The following TRPM6 variants were observed in gnomAD, a reference collection of about 807,000 sequenced individuals.
The protein encoded by TRPM6 is transient receptor potential cation channel subfamily M member 6, also known as channel kinase 2.
TRPM6 carries 111 observed loss-of-function variants against 247.6 expected under a neutral mutation model. That is an observed-to-expected ratio of 0.45 (90% CI 0.38 to 0.52). TRPM6 has a LOEUF of 0.52. Ranked by LOEUF, TRPM6 falls within the 20% of genes least tolerant of loss-of-function variation. The pLI is 0.00. For synonymous variants in TRPM6, 892 were observed against 853.8 expected (o/e 1.04, Z -0.78); for missense variants, 2,126 against 2,421.5 (o/e 0.88, Z 2.56).
intron 37 of TRPM6, among the ~76,000 whole-genome samples, chr9:74,729,289 A>T (rs537708738): frequency 6.6e-6 from 1 of 152,248 alleles, no homozygotes; most frequent in Non-Finnish European, 1.5e-5. Context: ...AAAAGGAAAC[A>T]ATAAACTTCG....
intron 33 of TRPM6, among the ~76,000 whole-genome samples, chr9:74,740,868 CTT>C (rs955420094): frequency 5.3e-5 from 8 of 151,942 alleles, no homozygotes; most frequent in African/African-American, 1.9e-4. Flanking sequence ...CATAAAAAAA[CTT>C]ATTTTTTTCT....
chr9:74,728,015 TG>T (rs1247573498), intron 38 of TRPM6, among the ~76,000 whole-genome samples: 1 of 152,170 alleles, frequency 6.6e-6, no homozygotes, highest in African/African-American at 2.4e-5. Flanking sequence ...TGACAAGTAT[TG>T]GGCCCCAAGT....
chr9:74,735,924 A>G (rs753490227), intron 36 of TRPM6, among the ~76,000 whole-genome samples: 1 of 152,222 alleles, frequency 6.6e-6, no homozygotes, highest in Non-Finnish European at 1.5e-5. Flanking sequence ...CGAGTATTTC[A>G]CACTCCTTCT....
At chr9:74,828,649 G>A (rs1033715433) in intron 6 of TRPM6, among the ~76,000 whole-genome samples, 2 of 140,384 alleles carry the variant, frequency 1.4e-5, no homozygotes, top group African/African-American at 5.4e-5. Flanking sequence ...TTTTTTTTGA[G>A]ATGGAGTCTT....
intron 1 of TRPM6, among the ~76,000 whole-genome samples, chr9:74,883,215 A>G (rs1234002338): frequency 6.6e-6 from 1 of 151,942 alleles, no homozygotes; most frequent in Non-Finnish European, 1.5e-5. Context: ...AGGCTGAATA[A>G]TATTCCCTTG....
At chr9:74,779,995 A>C (rs1401269685) in intron 23 of TRPM6, among the ~76,000 whole-genome samples, 1 of 151,394 alleles carries the variant, frequency 6.6e-6, no homozygotes, top group East Asian at 2.0e-4. Flanking sequence ...AATATGGTGA[A>C]ACTCTGTCTC....
intron 25 of TRPM6, among the ~76,000 whole-genome samples, chr9:74,764,108 A>C (rs1826746381): frequency 1.3e-5 from 2 of 150,632 alleles, no homozygotes; most frequent in Admixed American, 6.6e-5. Context: ...TGGGCGACAG[A>C]GTAAGACTCC....
intron 25 of TRPM6, among the ~76,000 whole-genome samples, chr9:74,768,323 C>G (rs1004039097): frequency 6.6e-6 from 1 of 152,164 alleles, no homozygotes; most frequent in Non-Finnish European, 1.5e-5. Flanking sequence ...TGGGCATAAT[C>G]GCTTCCTCTG....
At chr9:74,887,088 C>A (rs1045048121) in intron 1 of TRPM6, 4 of 456,154 alleles carry the variant, frequency 8.8e-6, no homozygotes, top group Non-Finnish European at 1.5e-5. Flanking sequence ...CAGCCAGGAG[C>A]ACCCTCCCTC....
chr9:74,771,404 A>C (rs1271489233), intron 25 of TRPM6, among the ~76,000 whole-genome samples: 1 of 151,840 alleles, frequency 6.6e-6, no homozygotes, highest in African/African-American at 2.4e-5. Context: ...CATTTCTCTC[A>C]CCACCTACAC....
At chr9:74,850,977 T>G (rs2118284960) in intron 3 of TRPM6, among the ~76,000 whole-genome samples, 1 of 152,304 alleles carries the variant, frequency 6.6e-6, no homozygotes, top group African/African-American at 2.4e-5. Context: ...AAACATAAAT[T>G]GAGGTAACCT....
chr9:74,728,515 T>C (rs1049490695), intron 37 of TRPM6, among the ~76,000 whole-genome samples, 170 bp from the exon 38 acceptor site: 1 of 152,188 alleles, frequency 6.6e-6, no homozygotes, highest in Non-Finnish European at 1.5e-5. Flanking sequence ...AAATTTAAAA[T>C]TCAAATGCAC....
intron 11 of TRPM6, among the ~76,000 whole-genome samples, chr9:74,813,126 AC>A (rs1828794912): frequency 6.6e-6 from 1 of 152,294 alleles, no homozygotes; most frequent in South Asian, 2.1e-4. Context: ...TTTAGACTCT[AC>A]CTGGCTTCTA....
intron 3 of TRPM6, among the ~76,000 whole-genome samples, chr9:74,847,306 T>C (rs1228370047): frequency 6.6e-6 from 1 of 152,076 alleles, no homozygotes; most frequent in African/African-American, 2.4e-5. Context: ...GCTCAATCAA[T>C]TCTCCCACCT....
chr9:74,822,171 A>T (rs1016847699), intron 7 of TRPM6, among the ~76,000 whole-genome samples: 2 of 152,256 alleles, frequency 1.3e-5, no homozygotes, highest in African/African-American at 4.8e-5. Flanking sequence ...AGAACAATAT[A>T]ATAGATCCCA....
chr9:74,736,587 T>C (rs184409762), intron 36 of TRPM6, among the ~76,000 whole-genome samples: 49 of 152,350 alleles, frequency 3.2e-4, no homozygotes, highest in African/African-American at 1.1e-3. Context: ...ATTACTATTA[T>C]AGGATTCACA....
At chr9:74,743,170 C>T (rs1289536305) in intron 32 of TRPM6, among the ~76,000 whole-genome samples, 1 of 152,152 alleles carries the variant, frequency 6.6e-6, no homozygotes, top group East Asian at 1.9e-4. Flanking sequence ...CTTAAGTTGA[C>T]AGCTGGAGTC....
chr9:74,846,374 G>A (rs2118243619), intron 3 of TRPM6, among the ~76,000 whole-genome samples: 1 of 152,070 alleles, frequency 6.6e-6, no homozygotes, highest in South Asian at 2.1e-4. Flanking sequence ...TCCTTTGCAA[G>A]AACGGCCCTA....
chr9:74,757,658 A>T (rs1826474313), intron 27 of TRPM6, among the ~76,000 whole-genome samples: 1 of 152,108 alleles, frequency 6.6e-6, no homozygotes, highest in Admixed American at 6.6e-5. Context: ...TCATCCCTGT[A>T]ATCCCAGCAC....
Sources: gnomAD v4.1 joint callset for allele counts (sites outside exome capture counted in the v4.1 genomes callset) on GRCh38, gnomAD v4.1.1 for gene constraint, MANE v1.5 for transcripts, NCBI Gene and HGNC (gene_info 2026-07-23, HGNC 2026-07-21) for gene names.